Variants in PRELID2 observed in about 807,000 individuals in gnomAD.
PRELID2 encodes PRELI domain-containing protein 2.
In PRELID2, 25 loss-of-function variants were observed where a neutral mutation model predicts 28.4. The ratio of observed to expected loss-of-function variants is 0.88; its 90% CI spans 0.64 to 1.23. PRELID2 has a LOEUF of 1.23. Among genes scored for constraint, PRELID2 ranks in the 50% most tolerant of loss-of-function variants. The pLI, the probability that PRELID2 is intolerant of heterozygous loss-of-function variation, is 0.00. For synonymous variants in PRELID2, 76 were observed against 71.6 expected (o/e 1.06, Z -0.31); for missense variants, 201 against 214.4 (o/e 0.94, Z 0.39).
chr5:145,699,016 C>T (rs571961820), intron 1 of PRELID2, among the ~76,000 whole-genome samples: 8 of 152,300 alleles, frequency 5.3e-5, no homozygotes, highest in Admixed American at 3.3e-4. Context: ...CGTGAGCCAC[C>T]GCACCTGGCC....
intron 1 of PRELID2, among the ~76,000 whole-genome samples, chr5:145,504,098 C>T (rs529783836): frequency 6.6e-6 from 1 of 152,270 alleles, no homozygotes; most frequent in South Asian, 2.1e-4. Flanking sequence ...AGAAGCAACA[C>T]TTTAAAGTGC....
At chr5:145,809,123 G>A (rs148941530) in intron 4 of PRELID2, among the ~76,000 whole-genome samples, 123 of 139,592 alleles carry the variant, frequency 8.8e-4, no homozygotes, top group African/African-American at 3.2e-3. Flanking sequence ...TGTAATCTCC[G>A]CCTCCCAGGC....
chr5:145,513,344 A>G (rs1411553347), intron 1 of PRELID2, among the ~76,000 whole-genome samples: 2 of 151,936 alleles, frequency 1.3e-5, no homozygotes, highest in Non-Finnish European at 2.9e-5. Flanking sequence ...TGAAGCATAC[A>G]CAAGTATCAA....
At chr5:145,483,814 G>A (rs538836196) in intron 1 of PRELID2, among the ~76,000 whole-genome samples, 2 of 152,280 alleles carry the variant, frequency 1.3e-5, no homozygotes, top group Admixed American at 6.5e-5. Flanking sequence ...CGGCCGAAGT[G>A]CTTAACATAT....
At chr5:145,610,638 T>C (rs150103386) in intron 1 of PRELID2, among the ~76,000 whole-genome samples, 80 of 152,272 alleles carry the variant, frequency 5.3e-4, no homozygotes, top group African/African-American at 1.9e-3. Context: ...AGACAGAAAT[T>C]AGTACCTAGA....
intron 1 of PRELID2, among the ~76,000 whole-genome samples, chr5:145,824,468 T>TGTGTGTGTGTG (rs1180505683): frequency 2.0e-5 from 1 of 50,694 alleles, no homozygotes. Context: ...GTGTGTGATA[T>TGTGTGTGTGTG]TGATTTATTA....
At chr5:145,687,680 T>C (rs1755063290) in intron 1 of PRELID2, among the ~76,000 whole-genome samples, 1 of 152,356 alleles carries the variant, frequency 6.6e-6, no homozygotes, top group Admixed American at 6.5e-5. Context: ...TATGCATCAC[T>C]AGCATTTAGG....
Position 145,756,654 on chromosome 5 carries a change from G to A in PRELID2, c.*3882C>T, listed in dbSNP as rs1757265078. 6.6e-6 allele frequency among the ~76,000 whole-genome samples: 1 copy of A among 152,202 alleles called. No homozygotes were observed. The highest frequency in any genetic ancestry group is 2.4e-5 in the African/African-American group (1 of 41,466). ...ATGAGGATAAAGAAGTAAGTTAGGGGAAGAGAGTTGAGCCACTGAAATAAT... is the reference window on the plus strand; with the variant it reads ...ATGAGGATAAAGAAGTAAGTTAGGGAAAGAGAGTTGAGCCACTGAAATAAT... On this transcript the variant is annotated 3_prime_UTR_variant, in exon 7 of 7. Coordinates refer to ENST00000683046, the MANE Select transcript of PRELID2 (RefSeq NM_205846.3).
the PRELID2 span, among the ~76,000 whole-genome samples, chr5:145,253,106 C>T: frequency 6.6e-6 from 1 of 152,074 alleles, no homozygotes. Context: ...AGGAAAATAT[C>T]AAGTTGGCAA....
chr5:145,495,273 G>A (rs1752300674), intron 1 of PRELID2, among the ~76,000 whole-genome samples: 1 of 152,202 alleles, frequency 6.6e-6, no homozygotes, highest in Non-Finnish European at 1.5e-5. Context: ...GCTGGACATT[G>A]AAGATCAGGC....
intron 1 of PRELID2, among the ~76,000 whole-genome samples, chr5:145,485,520 T>C (rs1752209682): frequency 6.6e-6 from 1 of 152,166 alleles, no homozygotes; most frequent in Admixed American, 6.5e-5. Flanking sequence ...AACCACAAGT[T>C]ACTCTTGGCT....
chr5:145,230,842 G>A, the PRELID2 span, among the ~76,000 whole-genome samples: 1 of 152,184 alleles, frequency 6.6e-6, no homozygotes, highest in Non-Finnish European at 1.5e-5. Context: ...CCATTTCCAT[G>A]ATGGCTCACT....
chr5:145,671,177 A>G (rs1033033330), intron 1 of PRELID2, among the ~76,000 whole-genome samples: 9 of 152,224 alleles, frequency 5.9e-5, no homozygotes, highest in African/African-American at 2.2e-4. Flanking sequence ...CTTTAATAAA[A>G]TGATGGAATG....
At chr5:145,734,045 T>C (rs1466390788) in intron 1 of PRELID2, among the ~76,000 whole-genome samples, 1 of 152,068 alleles carries the variant, frequency 6.6e-6, no homozygotes, top group Non-Finnish European at 1.5e-5. Flanking sequence ...CTCTTGAAGT[T>C]GAAAAAAGAA....
chr5:145,665,433 C>T (rs554357584), intron 1 of PRELID2, among the ~76,000 whole-genome samples: 1 of 152,238 alleles, frequency 6.6e-6, no homozygotes, highest in African/African-American at 2.4e-5. Context: ...TATTTACTGA[C>T]TTTACTCAAT....
At chr5:145,811,292 G>C (rs147177555) in intron 4 of PRELID2, among the ~76,000 whole-genome samples, 2 of 151,778 alleles carry the variant, frequency 1.3e-5, no homozygotes, top group African/African-American at 4.8e-5. Context: ...TTTGGGTGGG[G>C]ACACAGCAAA....
At chr5:145,824,286 G>C (rs76515238) in intron 1 of PRELID2, among the ~76,000 whole-genome samples, 1,620 of 152,212 alleles carry the variant, frequency 0.011, 38 homozygotes, top group African/African-American at 0.037. Context: ...ACAAAGTGCT[G>C]AGCAGAAGGC....
At chr5:145,417,475 T>C in the PRELID2 span, among the ~76,000 whole-genome samples, 4 of 152,158 alleles carry the variant, frequency 2.6e-5, no homozygotes, top group Non-Finnish European at 4.4e-5. Context: ...ATATCCTTGA[T>C]GAACCTCAAT....
the PRELID2 span, among the ~76,000 whole-genome samples, chr5:145,445,895 T>A: frequency 5.9e-5 from 9 of 151,946 alleles, no homozygotes; most frequent in Non-Finnish European, 8.8e-5. Context: ...GAAGGGGAAC[T>A]CTTCTACACT....
Sources: gnomAD v4.1 joint callset for allele counts (sites outside exome capture counted in the v4.1 genomes callset) on GRCh38, gnomAD v4.1.1 for gene constraint, MANE v1.5 for transcripts, NCBI Gene and HGNC (gene_info 2026-07-23, HGNC 2026-07-21) for gene names.